ST3GAL5: variants seen among roughly 807,000 people sequenced by gnomAD.
ST3GAL5 encodes ST3 beta-galactoside alpha-2,3-sialyltransferase 5, also known as lactosylceramide alpha-2,3-sialyltransferase.
In ST3GAL5, 25 loss-of-function variants were observed where a neutral mutation model predicts 46.1. The observed-to-expected ratio is 0.54, with a 90% CI of 0.40 to 0.76. ST3GAL5 has a LOEUF of 0.76. Ranked by LOEUF, ST3GAL5 falls within the 30% of genes least tolerant of loss-of-function variation. The pLI is 0.00. For missense variants in ST3GAL5, 431 were observed against 521.2 expected (o/e 0.83, Z 1.69); for synonymous variants, 182 against 192.7 (o/e 0.94, Z 0.46).
intron 3 of ST3GAL5, chr2:85,858,319 C>G (rs1684376000): frequency 6.6e-6 from 1 of 152,188 alleles, no homozygotes; most frequent in Admixed American, 6.6e-5. Flanking sequence ...GGACCCCTGG[C>G]TTTTTTTTGA....
intron 2 of ST3GAL5, among the ~76,000 whole-genome samples, chr2:85,861,645 T>TAAAAAAAAAAAAA (rs3046643): frequency 7.0e-4 from 87 of 123,612 alleles, no homozygotes; most frequent in East Asian, 1.6e-3. Context: ...TGTCAGTCCT[T>TAAAAAAAAAAAAA]AAAAAAAAAA....
intron 4 of ST3GAL5, chr2:85,847,576 G>A (rs900183183): frequency 2.8e-5 from 33 of 1,190,794 alleles, no homozygotes; most frequent in Non-Finnish European, 3.5e-5. Context: ...GAGGAGAAAG[G>A]TTGGTTTTAA....
intron 1 of ST3GAL5, chr2:85,888,456 A>G (rs1221471505): frequency 6.1e-6 from 1 of 163,112 alleles, no homozygotes; most frequent in Non-Finnish European, 1.3e-5. Flanking sequence ...CCCTAAGCCC[A>G]TCCCAGGAAA....
intron 3 of ST3GAL5, among the ~76,000 whole-genome samples, chr2:85,859,776 A>G (rs1315497309): frequency 6.6e-6 from 1 of 152,258 alleles, no homozygotes; most frequent in Non-Finnish European, 1.5e-5. Flanking sequence ...GGAATTTTGT[A>G]TATATTCTCT....
chr2:85,846,210 A>C lies in ST3GAL5; in HGVS notation c.849+167T>G, dbSNP rs926144549. ...CAGAATGAGACTCCATCCCCAAAAA[A>C]AAGAATTGCTGAGGGGTTTCTACAA... On this transcript the variant is annotated intron_variant, in intron 5 of 6. Transcript: ENST00000638572. 1.2e-5 allele frequency: 8 copies of C among 684,462 alleles called. No individual in the cohort carries two copies. In the African/African-American group the frequency reaches 1.4e-4, roughly 12 times the overall value. 42.4% of individuals were successfully genotyped at this position (684,462 alleles called of 1,614,324 possible). A position where few individuals can be genotyped will look rare whatever the true frequency, so the allele number is the denominator to read the frequency against.
Position 85,839,528 on chromosome 2 carries a change from T to A in ST3GAL5, c.*616A>T, listed in dbSNP as rs567808717. The A allele has an allele frequency of 6.4e-6, 1 of 156,656 alleles. No homozygotes were observed. The highest frequency in any genetic ancestry group is 1.9e-4 in the East Asian group (1 of 5,314). The allele number at this position is 156,656 out of a possible 1,614,324, so 9.7% of individuals were successfully genotyped here. On this transcript the variant is annotated 3_prime_UTR_variant, in exon 7 of 7. Transcript: ENST00000638572. ...GTTGTCAGAGGTCACAGATTCTATG[T>A]CCCTCTCCGACCAGGGACCTCCAGG...
At chr2:85,859,345 T>C (rs1684481633) in intron 3 of ST3GAL5, among the ~76,000 whole-genome samples, 2 of 152,188 alleles carry the variant, frequency 1.3e-5, no homozygotes, top group South Asian at 4.1e-4. Flanking sequence ...ATTTAAAGAC[T>C]TTCTCAGAAG....
At chr2:85,852,958 TC>T (rs1207519088) in intron 3 of ST3GAL5, 1 of 1,304,190 alleles carries the variant, frequency 7.7e-7, no homozygotes, top group Admixed American at 2.3e-5. Flanking sequence ...ACTGAATGCT[TC>T]AGCAGGGAGG....
intron 1 of ST3GAL5, among the ~76,000 whole-genome samples, chr2:85,885,700 C>T (rs1261632269): frequency 7.2e-5 from 11 of 152,092 alleles, no homozygotes; most frequent in Middle Eastern, 3.4e-3. Flanking sequence ...AGGTGGCAGG[C>T]GCCTGTAGTC....
In ST3GAL5 at chr2:85,844,504, T is replaced by C. The variant is rs1247446676; in HGVS notation, c.900A>G (p.Pro300=). ...FFWKQVAEKI[P]LQPKHFRILN... ...AAATCCTGAAATGTTTTGGCTGCAG[T>C]GGGATTTTTTCTGCCACCTGCTTCC... The change falls in exon 6 of 7, where the codon CCA becomes CCG. Residue 300 remains proline (P), a synonymous_variant. Coordinates refer to ENST00000638572, the MANE Select transcript of ST3GAL5 (RefSeq NM_003896.4). 5.6e-6 allele frequency: 9 copies of C among 1,614,140 alleles called. No individual in the cohort carries two copies. Among genetic ancestry groups the C allele is most frequent in the Non-Finnish European group, 7.6e-6 (9 of 1,180,004 alleles).
intron 6 of ST3GAL5, among the ~76,000 whole-genome samples, chr2:85,843,736 G>A (rs191863148): frequency 3.3e-5 from 5 of 152,244 alleles, no homozygotes; most frequent in Non-Finnish European, 5.9e-5. Context: ...ACACCCCCAC[G>A]CCCCTGGTGG....
chr2:85,887,795 G>C (rs529636847), intron 1 of ST3GAL5: 1 of 152,440 alleles, frequency 6.6e-6, no homozygotes, highest in South Asian at 2.1e-4. Context: ...GCCCGGGGGA[G>C]GGCAGCTAAA....
intron 1 of ST3GAL5, among the ~76,000 whole-genome samples, chr2:85,869,746 T>C (rs1685704471): frequency 6.6e-6 from 1 of 152,036 alleles, no homozygotes; most frequent in African/African-American, 2.4e-5. Context: ...AGGAACTGGG[T>C]TGCTCCCTTT....
intron 1 of ST3GAL5, among the ~76,000 whole-genome samples, chr2:85,873,626 C>A (rs1039934587): frequency 6.6e-6 from 1 of 151,916 alleles, no homozygotes; most frequent in Non-Finnish European, 1.5e-5. Context: ...TAGAGAGAGG[C>A]CATGAAGAGG....
chr2:85,848,622 T>G (rs768401039), intron 3 of ST3GAL5: 10 of 349,476 alleles, frequency 2.9e-5, no homozygotes, highest in Non-Finnish European at 5.6e-5. Context: ...AGACAAATAC[T>G]GTATGACCTG....
chr2:85,845,092 T>C (rs905581378), intron 5 of ST3GAL5: 3 of 209,494 alleles, frequency 1.4e-5, no homozygotes, highest in African/African-American at 7.0e-5. Flanking sequence ...GTTGAATACG[T>C]CCCATTAGTT....
At chr2:85,844,072 T>A (rs1425897828) in intron 6 of ST3GAL5, among the ~76,000 whole-genome samples, 1 of 152,174 alleles carries the variant, frequency 6.6e-6, no homozygotes, top group African/African-American at 2.4e-5. Flanking sequence ...AAAATGTAAA[T>A]AACTTTTCAG....
intron 3 of ST3GAL5, among the ~76,000 whole-genome samples, chr2:85,859,600 A>AAG (rs1414459587): frequency 2.6e-5 from 4 of 152,216 alleles, no homozygotes; most frequent in Non-Finnish European, 4.4e-5. Context: ...TGCGACCAGC[A>AAG]AGACCCTGAG....
At position 85,861,209 on chromosome 2, in the gene ST3GAL5, ATTT is replaced by A. The variant is rs779767507; in HGVS notation, c.287_289del (p.Lys96del). ...TACATGGTCAGGGTCCACATAATGC[ATTT>A]TTTTCATGTCACATTCTTCAGTAGT... is the stretch of plus-strand genomic sequence containing the variant. On this transcript the variant is annotated inframe_deletion, in exon 3 of 7. Coordinates refer to ENST00000638572, the MANE Select transcript of ST3GAL5 (RefSeq NM_003896.4). 8.1e-6 allele frequency: 13 copies of A among 1,611,992 alleles called. 1 individual carries two copies. The Admixed American group carries it at 1.7e-4, about 21-fold the overall frequency.
Sources: gnomAD v4.1 joint callset for allele counts (sites outside exome capture counted in the v4.1 genomes callset) on GRCh38, gnomAD v4.1.1 for gene constraint, MANE v1.5 for transcripts, NCBI Gene and HGNC (gene_info 2026-07-23, HGNC 2026-07-21) for gene names.